The following CGREF1 variants were observed in gnomAD, a reference collection of about 807,000 sequenced individuals.
CGREF1 encodes cell growth regulator with EF-hand domain 1.
In CGREF1, 16 loss-of-function variants were observed where a neutral mutation model predicts 17.4. The observed-to-expected ratio is 0.92, with a 90% CI of 0.62 to 1.40. The LOEUF (loss-of-function observed/expected upper bound fraction) is 1.40, where lower values mean the gene tolerates loss of function less well. Ranked by LOEUF, CGREF1 falls within the 40% of genes most tolerant of loss-of-function variation. CGREF1 has a pLI of 0.00. For missense variants in CGREF1, 296 were observed against 376.4 expected, an observed-to-expected ratio of 0.79 and a Z score of 1.77; for synonymous variants, 142 against 154.6, an observed-to-expected ratio of 0.92 and a Z score of 0.61.
At chr2:27,117,161 T>C (rs185375613) in intron 1 of CGREF1, among the ~76,000 whole-genome samples, 5 of 152,150 alleles carry the variant, frequency 3.3e-5, no homozygotes, top group African/African-American at 1.2e-4. Context: ...TCTACCCACC[T>C]TGGCCTCCCA....
chr2:27,113,591 G>A (rs984594723), intron 1 of CGREF1, among the ~76,000 whole-genome samples: 2 of 152,144 alleles, frequency 1.3e-5, no homozygotes, highest in Non-Finnish European at 2.9e-5. Context: ...AAGTTGGGGG[G>A]TATGGGCCCT....
chr2:27,118,993 C>A lies in CGREF1; in HGVS notation c.-159G>T. The A allele has an allele frequency of 6.6e-6, 1 of 152,102 alleles. No individual in the cohort carries two copies. Among genetic ancestry groups the A allele is most frequent in the South Asian group, 1.8e-4 (1 of 5,466 alleles). The allele number at this position is 152,102 out of a possible 1,614,324, so 9.4% of individuals were successfully genotyped here. On this transcript the variant is annotated 5_prime_UTR_variant, in exon 1 of 6. In the 5' UTR this introduces an upstream ATG that the reference lacks. Transcript: ENST00000402394. ...CGCCCTCCCGGCTGGAGCCGCCGCC[C>A]TGGCCGGGCAGAGTCCGGAGCCAGT...
downstream of CGREF1, chr2:27,100,477 T>G: frequency 7.7e-7 from 1 of 1,290,994 alleles, no homozygotes; most frequent in Non-Finnish European, 1.0e-6. Context: ...GTTGCTGTCC[T>G]CAGGGAGGTC....
chr2:27,107,375 C>T (rs1169681121), intron 1 of CGREF1, among the ~76,000 whole-genome samples: 1 of 152,048 alleles, frequency 6.6e-6, no homozygotes, highest in Non-Finnish European at 1.5e-5. Flanking sequence ...CTGCCTCACC[C>T]TCCTAAGTAG....
At chr2:27,111,257 G>A (rs1255745331) in intron 1 of CGREF1, among the ~76,000 whole-genome samples, 3 of 152,178 alleles carry the variant, frequency 2.0e-5, no homozygotes, top group Non-Finnish European at 4.4e-5. Flanking sequence ...GGTTCTCCAC[G>A]TCCCCACTAG....
intron 1 of CGREF1, among the ~76,000 whole-genome samples, chr2:27,118,347 T>C (rs916916246): frequency 2.6e-5 from 4 of 152,192 alleles, no homozygotes; most frequent in African/African-American, 9.7e-5. Flanking sequence ...TCTCCCTTAA[T>C]TCTTAATTTA....
intron 2 of CGREF1, among the ~76,000 whole-genome samples, chr2:27,103,404 C>T (rs552097330): frequency 2.0e-5 from 3 of 151,560 alleles, no homozygotes; most frequent in Admixed American, 6.6e-5. Flanking sequence ...GATAGAGTCT[C>T]GCTCTGTCAC....
downstream of CGREF1, chr2:27,099,525 A>G (rs758419401): frequency 8.9e-5 from 144 of 1,614,004 alleles, no homozygotes; most frequent in Admixed American, 1.8e-4. Flanking sequence ...TGGTGGATAC[A>G]CTGGGAGCTG....
At chr2:27,107,485 C>T (rs200929291) in intron 1 of CGREF1, among the ~76,000 whole-genome samples, 76 of 149,978 alleles carry the variant, frequency 5.1e-4, no homozygotes, top group East Asian at 3.3e-3. Flanking sequence ...AAACTCCTGA[C>T]CTCATGATCT....
chr2:27,116,814 C>T (rs931211997), intron 1 of CGREF1, among the ~76,000 whole-genome samples: 3 of 150,338 alleles, frequency 2.0e-5, no homozygotes, highest in Non-Finnish European at 4.4e-5. Context: ...GGTGATCTGC[C>T]CACCTTGGCC....
Position 27,101,342 on chromosome 2 carries a change from G to GTGTT in CGREF1, c.885_888dup (p.Leu297AsnfsTer5). 1 of 1,610,348 alleles carries GTGTT rather than the reference G, an allele frequency of 6.2e-7. No homozygotes were observed. The highest frequency in any genetic ancestry group is 1.1e-5 in the South Asian group (1 of 90,568). On this transcript the variant is annotated frameshift_variant, in exon 6 of 6. Transcript: ENST00000402394. LOFTEE classifies it low-confidence loss of function (END_TRUNC). Reference sequence around the variant, plus strand: ...TCATTTTGGGTGTTCTTAGACTCCAGTGTTTCCCCTGGAAGTTCCTTGGCC... The same window carrying GTGTT: ...TCATTTTGGGTGTTCTTAGACTCCAGTGTTTGTTTCCCCTGGAAGTTCCTTGGCC...
At chr2:27,104,745 A>C in intron 1 of CGREF1, 1 of 1,508,582 alleles carries the variant, frequency 6.6e-7, no homozygotes, top group Non-Finnish European at 8.9e-7. Flanking sequence ...TACAGATGGA[A>C]AGGAGCGCAG....
intron 1 of CGREF1, among the ~76,000 whole-genome samples, chr2:27,118,265 C>T (rs1421606492): frequency 6.6e-6 from 1 of 152,144 alleles, no homozygotes; most frequent in Non-Finnish European, 1.5e-5. Context: ...AGGAACCTAG[C>T]ACCTCACAGG....
At chr2:27,110,621 C>T (rs1381515257) in intron 1 of CGREF1, 4 of 152,110 alleles carry the variant, frequency 2.6e-5, no homozygotes, top group Non-Finnish European at 5.9e-5. Flanking sequence ...AACAGACAAA[C>T]CTTTGGCAAT....
intron 1 of CGREF1, among the ~76,000 whole-genome samples, chr2:27,111,255 A>G (rs548717920): frequency 6.6e-6 from 1 of 152,282 alleles, no homozygotes; most frequent in Admixed American, 6.5e-5. Context: ...AAGGTTCTCC[A>G]CGTCCCCACT....
chr2:27,099,538 G>C (rs774520724), downstream of CGREF1: 1 of 1,614,062 alleles, frequency 6.2e-7, no homozygotes, highest in Non-Finnish European at 8.5e-7. Flanking sequence ...GGGAGCTGGA[G>C]ACACCTTCAA....
chr2:27,114,402 C>A (rs1459431634), intron 1 of CGREF1, among the ~76,000 whole-genome samples: 1 of 152,180 alleles, frequency 6.6e-6, no homozygotes, highest in East Asian at 1.9e-4. Context: ...TCCTCTCACT[C>A]ATTAGGCCAC....
At chr2:27,099,611 G>C, downstream of CGREF1, 3 of 1,614,062 alleles carry the variant, frequency 1.9e-6, no homozygotes, top group Non-Finnish European at 2.5e-6. Flanking sequence ...AAAGGACTGG[G>C]ACCTGTCCCT....
chr2:27,117,755 C>CTGGA (rs1671638576), intron 1 of CGREF1, among the ~76,000 whole-genome samples: 1 of 144,566 alleles, frequency 6.9e-6, no homozygotes, highest in Non-Finnish European at 1.5e-5. Context: ...GTCGCCCAGG[C>CTGGA]TGGAGTGCAA....
Sources: gnomAD v4.1 joint callset for allele counts (sites outside exome capture counted in the v4.1 genomes callset) on GRCh38, gnomAD v4.1.1 for gene constraint, MANE v1.5 for transcripts, NCBI Gene and HGNC (gene_info 2026-07-23, HGNC 2026-07-21) for gene names.